Variants in ABL1 observed in about 807,000 individuals in gnomAD.
ABL1 encodes tyrosine-protein kinase ABL1.
In ABL1, 11 loss-of-function variants were observed where a neutral mutation model predicts 94.7. The observed-to-expected ratio is 0.12, with a 90% confidence interval of 0.07 to 0.19. The LOEUF is 0.19. Among genes scored for constraint, ABL1 ranks in the 10% least tolerant of loss-of-function variants. The pLI, the probability that ABL1 is intolerant of heterozygous loss-of-function variation, is 1.00. For synonymous variants in ABL1, 656 were observed against 622.4 expected (o/e 1.05, Z -0.80); for missense variants, 1,082 against 1,489.4 (o/e 0.73, Z 4.50).
At chr9:130,737,746 C>G (rs151296054) in intron 1 of ABL1, among the ~76,000 whole-genome samples, 1 of 152,032 alleles carries the variant, frequency 6.6e-6, no homozygotes, top group Non-Finnish European at 1.5e-5. Context: ...CTGCTCAGTT[C>G]CAGTGTCTTC....
intron 1 of ABL1, among the ~76,000 whole-genome samples, chr9:130,791,319 G>A (rs1450015537): frequency 6.6e-6 from 1 of 152,148 alleles, no homozygotes; most frequent in Non-Finnish European, 1.5e-5. Context: ...TAAATAATGA[G>A]AACGAAGTGA....
intron 1 of ABL1, among the ~76,000 whole-genome samples, chr9:130,743,423 C>G (rs895364105): frequency 2.0e-5 from 3 of 152,090 alleles, no homozygotes; most frequent in East Asian, 3.9e-4. Context: ...AAGATGACCC[C>G]CAGTGATTCC....
In ABL1 at chr9:130,886,902, G is replaced by T. The variant is rs757496386; in HGVS notation, c.*1219G>T. The stretch of plus-strand genomic sequence containing the variant: ...TGGGCGAATGTCTTATTTAATTACC[G>T]TGAGTGACATAGCCTCATGTTCTGT... On this transcript the variant is annotated 3_prime_UTR_variant, in exon 11 of 11. Transcript: ENST00000318560. The T allele has an allele frequency of 4.3e-6, 1 of 232,890 alleles. No homozygotes were observed. Among genetic ancestry groups the T allele is most frequent in the Non-Finnish European group, 8.5e-6 (1 of 117,786 alleles). The allele number at this position is 232,890 out of a possible 1,614,324, so 14.4% of individuals were successfully genotyped here. A position where few individuals can be genotyped will look rare whatever the true frequency, so the allele number is the denominator to read the frequency against.
At chr9:130,824,345 C>T (rs1830399720) in intron 1 of ABL1, among the ~76,000 whole-genome samples, 1 of 152,170 alleles carries the variant, frequency 6.6e-6, no homozygotes, top group Non-Finnish European at 1.5e-5. Context: ...TAAATCCAAC[C>T]TTCCTTTTTC....
intron 1 of ABL1, among the ~76,000 whole-genome samples, chr9:130,717,019 A>G (rs886155101): frequency 3.9e-5 from 6 of 152,152 alleles, no homozygotes; most frequent in African/African-American, 1.4e-4. Flanking sequence ...TGGAAGATCT[A>G]CATAAATCAG....
chr9:130,869,956 C>T (rs948051351), intron 4 of ABL1, among the ~76,000 whole-genome samples: 1 of 152,154 alleles, frequency 6.6e-6, no homozygotes, highest in South Asian at 2.1e-4. Flanking sequence ...TCCTGAGTAG[C>T]TGGAACTACA....
At chr9:130,876,733 CTT>C (rs755840936) in intron 7 of ABL1, among the ~76,000 whole-genome samples, 1,927 of 83,140 alleles carry the variant, frequency 0.023, 40 homozygotes, top group African/African-American at 0.091. Context: ...AAGTTGGTTT[CTT>C]TTTTTTTTTT....
chr9:130,721,207 C>T (rs532753401), intron 1 of ABL1, among the ~76,000 whole-genome samples: 6 of 151,562 alleles, frequency 4.0e-5, no homozygotes, highest in South Asian at 4.2e-4. Context: ...GGTGAAACCT[C>T]GTCTCTACTA....
chr9:130,862,628 A>C lies in ABL1; in HGVS notation c.550-135A>C, dbSNP rs1254787539. On this transcript the variant is annotated intron_variant, in intron 3 of 10. Coordinates refer to ENST00000318560, the MANE Select transcript of ABL1 (RefSeq NM_005157.6). This position sits in a 1 kb window ranked among gnomAD's most constrained non-coding sequence, Gnocchi z 5.5. ...AGACAGCAGAAGTGATCTTCTAAAC[A>C]CTCTGTCCTGTGTGGAGAGCTCCTT... is the stretch of plus-strand genomic sequence containing the variant. 1 of 948,122 alleles carries C rather than the reference A, an allele frequency of 1.1e-6. No homozygotes were observed. Among genetic ancestry groups the C allele is most frequent in the South Asian group, 1.7e-5 (1 of 58,842 alleles). The allele number at this position is 948,122 out of a possible 1,614,324, so 58.7% of individuals were successfully genotyped here. A position where few individuals can be genotyped will look rare whatever the true frequency, so the allele number is the denominator to read the frequency against.
intron 1 of ABL1, among the ~76,000 whole-genome samples, chr9:130,817,675 C>T (rs1830307003): frequency 6.6e-6 from 1 of 152,182 alleles, no homozygotes; most frequent in South Asian, 2.1e-4. Context: ...AATGGCCTTG[C>T]TGAGGAAATT....
intron 1 of ABL1, among the ~76,000 whole-genome samples, chr9:130,748,526 C>T (rs1831915740): frequency 6.6e-6 from 1 of 152,026 alleles, no homozygotes; most frequent in Non-Finnish European, 1.5e-5. Flanking sequence ...GATCCTCCCA[C>T]CTCATCCTCC....
intron 3 of ABL1, 61 bp downstream of exon 3, chr9:130,855,157 T>G: frequency 6.6e-7 from 1 of 1,511,890 alleles, no homozygotes; most frequent in South Asian, 1.3e-5. Flanking sequence ...GAGGTCCTGC[T>G]GTCGGATTGA....
chr9:130,791,600 G>A (rs1403497436), intron 1 of ABL1, among the ~76,000 whole-genome samples: 1 of 152,092 alleles, frequency 6.6e-6, no homozygotes, highest in Non-Finnish European at 1.5e-5. Context: ...GAGTCTCCTG[G>A]CTTCCTTCCT....
intron 1 of ABL1, chr9:130,724,680 G>A (rs1268771778): frequency 1.9e-5 from 6 of 323,394 alleles, no homozygotes; most frequent in South Asian, 1.2e-4. Flanking sequence ...ACGCATACCT[G>A]TAATCCCAGC....
intron 1 of ABL1, among the ~76,000 whole-genome samples, chr9:130,829,478 C>T (rs1351332444): frequency 6.7e-6 from 1 of 148,604 alleles, no homozygotes; most frequent in African/African-American, 2.5e-5. Context: ...AGGAGAATGG[C>T]GTGGTGAACC....
chr9:130,744,557 A>G (rs1831860266), intron 1 of ABL1, among the ~76,000 whole-genome samples: 1 of 151,324 alleles, frequency 6.6e-6, no homozygotes, highest in African/African-American at 2.4e-5. Flanking sequence ...TAGAAGGATA[A>G]AACTGTCTTT....
At chr9:130,781,497 GC>G (rs755690525) in intron 1 of ABL1, among the ~76,000 whole-genome samples, 12 of 152,146 alleles carry the variant, frequency 7.9e-5, no homozygotes, top group Non-Finnish European at 1.6e-4. Flanking sequence ...GAGAAGAATT[GC>G]CAGAGAAGAA....
At chr9:130,833,925 T>TGCTA (rs1830524662), upstream of ABL1, 2 of 435,360 alleles carry the variant, frequency 4.6e-6, no homozygotes, top group South Asian at 3.1e-5. Context: ...ATAATGACAA[T>TGCTA]GCTAGTTATT....
In ABL1 at chr9:130,885,918, T is replaced by TGTGGAGTTCCTGCTCC; in HGVS notation, c.*241_*256dup. 1 of 560,624 alleles carries TGTGGAGTTCCTGCTCC rather than the reference T, an allele frequency of 1.8e-6. No individual in the cohort carries two copies. Among genetic ancestry groups the TGTGGAGTTCCTGCTCC allele is most frequent in the Non-Finnish European group, 3.1e-6 (1 of 325,854 alleles). 34.7% of individuals were successfully genotyped at this position (560,624 alleles called of 1,614,324 possible). A position where few individuals can be genotyped will look rare whatever the true frequency, so the allele number is the denominator to read the frequency against. On this transcript the variant is annotated 3_prime_UTR_variant, in exon 11 of 11. Coordinates refer to ENST00000318560, the MANE Select transcript of ABL1 (RefSeq NM_005157.6). ...TCCGTCTCTGTCCTCGAATTTTATCTGTGGAGTTCCTGCTCCGTGGACTGC... is the reference window on the plus strand; with the variant it reads ...TCCGTCTCTGTCCTCGAATTTTATCTGTGGAGTTCCTGCTCCGTGGAGTTCCTGCTCCGTGGACTGC...
Sources: gnomAD v4.1 joint callset for allele counts (sites outside exome capture counted in the v4.1 genomes callset) on GRCh38, gnomAD v4.1.1 for gene constraint, Gnocchi (gnomAD v3.1) non-coding constraint, MANE v1.5 for transcripts, NCBI Gene and HGNC (gene_info 2026-07-23, HGNC 2026-07-21) for gene names.